ACBD6: variants seen among roughly 807,000 people sequenced by gnomAD.
ACBD6 encodes the protein acyl-CoA binding domain containing 6.
In ACBD6, 28 loss-of-function variants were observed where a neutral mutation model predicts 37.2. That is an observed-to-expected ratio of 0.75 (90% CI 0.56 to 1.03). The LOEUF (loss-of-function observed/expected upper bound fraction) is 1.03. Among genes scored for constraint, ACBD6 ranks in the 50% least tolerant of loss-of-function variants. The pLI is 0.00. For synonymous variants in ACBD6, 113 were observed against 126.8 expected (o/e 0.89, Z 0.73); for missense variants, 340 against 337.4 (o/e 1.01, Z -0.06).
At chr1:180,454,900 G>A (rs1170840463) in intron 3 of ACBD6, among the ~76,000 whole-genome samples, 1 of 152,146 alleles carries the variant, frequency 6.6e-6, no homozygotes, top group East Asian at 1.9e-4. Context: ...GGAGAAATAG[G>A]AACACTTTTA....
chr1:180,474,146 C>A (rs1307686210), intron 3 of ACBD6, among the ~76,000 whole-genome samples: 1 of 152,088 alleles, frequency 6.6e-6, no homozygotes, highest in Non-Finnish European at 1.5e-5. Flanking sequence ...TTTACAATTT[C>A]CAATTTATTC....
At chr1:180,473,823 A>G (rs1270731879) in intron 3 of ACBD6, among the ~76,000 whole-genome samples, 1 of 152,196 alleles carries the variant, frequency 6.6e-6, no homozygotes, top group Non-Finnish European at 1.5e-5. Flanking sequence ...ACATATGCAC[A>G]TATACACACA....
intron 6 of ACBD6, among the ~76,000 whole-genome samples, chr1:180,346,635 G>C (rs1652191116): frequency 6.6e-6 from 1 of 152,240 alleles, no homozygotes; most frequent in Non-Finnish European, 1.5e-5. Context: ...GAAGCCTTGA[G>C]CAGAGGAACC....
chr1:180,494,290 C>T (rs1019406754), intron 2 of ACBD6, among the ~76,000 whole-genome samples: 1 of 151,736 alleles, frequency 6.6e-6, no homozygotes, highest in Non-Finnish European at 1.5e-5. Flanking sequence ...TTGCTAAAAA[C>T]AATGGAGAAA....
intron 6 of ACBD6, among the ~76,000 whole-genome samples, chr1:180,366,310 G>A (rs1348814126): frequency 6.6e-6 from 1 of 152,148 alleles, no homozygotes; most frequent in African/African-American, 2.4e-5. Flanking sequence ...ACTACAAAAT[G>A]TTATGATTCA....
rs188459411 is a variant in ACBD6, at chr1:180,411,879, C to T, written c.573+1487G>A. ...TAGAGATGGGATCTCACTATGTTGGCCAGGCTGGTCTCAAGCTCCTGGCCT... is the reference window on the plus strand; with the variant it reads ...TAGAGATGGGATCTCACTATGTTGGTCAGGCTGGTCTCAAGCTCCTGGCCT... On this transcript the variant is annotated intron_variant, in intron 5 of 7. Transcript: ENST00000367595. Among the ~76,000 whole-genome samples, 596 of 152,086 alleles carry T rather than the reference C, an allele frequency of 3.9e-3. 6 individuals carry two copies. Among genetic ancestry groups the T allele is most frequent in the African/African-American group, 0.014 (566 of 41,484 alleles).
chr1:180,499,831 G>A (rs539661429), intron 1 of ACBD6, among the ~76,000 whole-genome samples: 15 of 152,110 alleles, frequency 9.9e-5, no homozygotes, highest in East Asian at 3.9e-4. Flanking sequence ...ATTTTCATTC[G>A]ACACTATAAT....
At chr1:180,470,778 G>T (rs577115072) in intron 3 of ACBD6, among the ~76,000 whole-genome samples, 1 of 151,972 alleles carries the variant, frequency 6.6e-6, no homozygotes, top group Non-Finnish European at 1.5e-5. Flanking sequence ...CATCATATCC[G>T]GGCATTAAGA....
At chr1:180,288,161 ACATGTTCAT>A (rs1261616557), downstream of ACBD6, 1 of 641,910 alleles carries the variant, frequency 1.6e-6, no homozygotes, top group African/African-American at 1.8e-5. Flanking sequence ...TGCACAGTAC[ACATGTTCAT>A]CACCAAAACT....
At chr1:180,492,556 T>A (rs1651547023) in intron 2 of ACBD6, among the ~76,000 whole-genome samples, 191 bp from the exon 3 acceptor site, 1 of 152,230 alleles carries the variant, frequency 6.6e-6, no homozygotes, top group Non-Finnish European at 1.5e-5. Flanking sequence ...TTGCCCTACC[T>A]AAGCAGTCTT....
chr1:180,318,528 G>C (rs1006219992), intron 6 of ACBD6, among the ~76,000 whole-genome samples: 47 of 152,260 alleles, frequency 3.1e-4, no homozygotes, highest in African/African-American at 8.7e-4. Flanking sequence ...TTGAGGGTCT[G>C]TCCCTCCAGA....
At chr1:180,326,395 C>T (rs1651260337) in intron 6 of ACBD6, 1 of 152,362 alleles carries the variant, frequency 6.6e-6, no homozygotes. Flanking sequence ...TGAATGCTGC[C>T]AACCCCAGAA....
chr1:180,468,693 C>G (rs1341838068), intron 3 of ACBD6, among the ~76,000 whole-genome samples: 2 of 152,134 alleles, frequency 1.3e-5, no homozygotes, highest in Non-Finnish European at 2.9e-5. Context: ...AATCTCGGTT[C>G]TGCCCTATTT....
intron 4 of ACBD6, among the ~76,000 whole-genome samples, chr1:180,415,449 T>C (rs1446279075): frequency 6.6e-6 from 1 of 151,238 alleles, no homozygotes; most frequent in Admixed American, 6.6e-5. Context: ...TATGAAAGAA[T>C]ACCTTCAGAG....
exon 11 of ACBD6, chr1:180,274,089 C>A (rs1374397765): frequency 4.0e-6 from 6 of 1,489,366 alleles, no homozygotes; most frequent in East Asian, 4.5e-5. Flanking sequence ...CATCCTTGGG[C>A]ATCTTTCCTG....
chr1:180,471,947 G>T (rs551604581), intron 3 of ACBD6, among the ~76,000 whole-genome samples: 2 of 152,286 alleles, frequency 1.3e-5, no homozygotes, highest in East Asian at 3.9e-4. Context: ...CTCAGCAGAG[G>T]TTTATACCAA....
Position 180,402,368 on chromosome 1 carries a change from C to T in ACBD6, c.574-4763G>A, listed in dbSNP as rs75156044. Among the ~76,000 whole-genome samples the T allele has an allele frequency of 1.1e-3, 165 of 152,270 alleles. 5 individuals are homozygous for T. In the East Asian group the frequency reaches 0.03, roughly 28 times the overall value. On this transcript the variant is annotated intron_variant, in intron 5 of 7. Coordinates refer to ENST00000367595, the MANE Select transcript of ACBD6 (RefSeq NM_032360.4). ...GACTGCTTGTGGGATAATTTACTTA[C>T]GAGCATTATAAAGAAAATCACACAC... is the stretch of plus-strand genomic sequence containing the variant.
chr1:180,300,182 C>T (rs1650078882), intron 7 of ACBD6, among the ~76,000 whole-genome samples: 1 of 152,078 alleles, frequency 6.6e-6, no homozygotes, highest in African/African-American at 2.4e-5. Context: ...CAAAGACATC[C>T]CCAACACTGT....
intron 5 of ACBD6, among the ~76,000 whole-genome samples, chr1:180,403,124 G>A (rs187170023): frequency 6.6e-6 from 1 of 152,204 alleles, no homozygotes; most frequent in Non-Finnish European, 1.5e-5. Flanking sequence ...TATAAAGTTC[G>A]AGAACAAGCA....
Sources: allele counts gnomAD v4.1 joint callset (sites outside exome capture counted in the v4.1 genomes callset), GRCh38; gene constraint gnomAD v4.1.1; transcripts MANE v1.5; gene names NCBI Gene and HGNC (gene_info 2026-07-23, HGNC 2026-07-21).